The following ANO4 variants were observed in gnomAD, a reference collection of about 807,000 sequenced individuals.
ANO4 encodes anoctamin-4.
In ANO4, 69 loss-of-function variants were observed where a neutral mutation model predicts 141.9. That is an observed-to-expected ratio of 0.49 (90% CI 0.40 to 0.59). ANO4 has a LOEUF of 0.59. Among genes scored for constraint, ANO4 ranks in the 20% least tolerant of loss-of-function variants. The pLI is 0.00. For missense variants in ANO4, 894 were observed against 1,162.2 expected (o/e 0.77, Z 3.36); for synonymous variants, 350 against 394.3 (o/e 0.89, Z 1.33).
chr12:100,885,509 T>G (rs1434910528), intron 1 of ANO4: 2 of 152,276 alleles, frequency 1.3e-5, no homozygotes, highest in Non-Finnish European at 2.9e-5. Flanking sequence ...CTGTCTGGGT[T>G]CAAAGCTAGG....
At chr12:101,083,847 T>A in intron 16 of ANO4, 29 bp downstream of exon 16, 1 of 1,526,142 alleles carries the variant, frequency 6.6e-7, no homozygotes, top group Non-Finnish European at 8.8e-7. Context: ...AATATTTGTT[T>A]CATAAAATAC....
chr12:100,889,235 A>G (rs1159473092), intron 1 of ANO4, among the ~76,000 whole-genome samples: 1 of 152,086 alleles, frequency 6.6e-6, no homozygotes, highest in Non-Finnish European at 1.5e-5. Flanking sequence ...GCTGCATAGT[A>G]TTCCATGGTG....
intron 19 of ANO4, among the ~76,000 whole-genome samples, chr12:101,096,848 G>T (rs1320136808): frequency 6.6e-6 from 1 of 152,166 alleles, no homozygotes; most frequent in African/African-American, 2.4e-5. Context: ...AACTGTCTGT[G>T]CACCTTTTGT....
intron 1 of ANO4, among the ~76,000 whole-genome samples, chr12:100,829,831 G>A (rs962484794): frequency 6.6e-6 from 1 of 151,932 alleles, no homozygotes. Context: ...TGTGAAGTGG[G>A]TGCCATAGCT....
chr12:100,790,550 T>A (rs1277109224), upstream of ANO4, among the ~76,000 whole-genome samples: 1 of 152,134 alleles, frequency 6.6e-6, no homozygotes, highest in Non-Finnish European at 1.5e-5. Context: ...CTAACATTGG[T>A]GCACACACAC....
At chr12:101,085,976 C>T (rs2136898170) in intron 16 of ANO4, among the ~76,000 whole-genome samples, 1 of 152,136 alleles carries the variant, frequency 6.6e-6, no homozygotes, top group African/African-American at 2.4e-5. Context: ...ATGGCTACCA[C>T]ATGACAACAC....
rs138517493 is a variant in ANO4, at chr12:101,121,910, C to T, written c.2676+1285C>T. On this transcript the variant is annotated intron_variant, in intron 26 of 27. Coordinates refer to ENST00000392977, the MANE Select transcript of ANO4 (RefSeq NM_001286615.2). ...CTGAGTAGGTGGGATTACAGGCACC[C>T]GCTACCACACCTGGCTAATTTTTGT... 4.7e-3 allele frequency among the ~76,000 whole-genome samples: 708 copies of T among 152,034 alleles called. 5 individuals are homozygous for T. The highest frequency in any genetic ancestry group is 0.016 in the African/African-American group (653 of 41,470).
At chr12:100,930,518 T>C (rs2042048861) in intron 3 of ANO4, among the ~76,000 whole-genome samples, 1 of 152,206 alleles carries the variant, frequency 6.6e-6, no homozygotes, top group Non-Finnish European at 1.5e-5. Flanking sequence ...TTTTGGGTTC[T>C]CTGTTCTGTT....
chr12:100,747,231 T>TG (rs1423121505), intron 3 of ANO4, among the ~76,000 whole-genome samples: 4 of 152,176 alleles, frequency 2.6e-5, no homozygotes, highest in African/African-American at 9.7e-5. Flanking sequence ...TCATTGATAA[T>TG]GGGTTCATGG....
intron 14 of ANO4, among the ~76,000 whole-genome samples, chr12:101,074,134 GCCT>G (rs1457370669): frequency 6.6e-6 from 1 of 152,138 alleles, no homozygotes; most frequent in Non-Finnish European, 1.5e-5. Flanking sequence ...AAGGTAAAAT[GCCT>G]ATGTTCATTA....
chr12:100,829,532 T>G (rs922430779), intron 1 of ANO4, among the ~76,000 whole-genome samples: 1 of 152,086 alleles, frequency 6.6e-6, no homozygotes, highest in African/African-American at 2.4e-5. Flanking sequence ...CTTAACATAG[T>G]ACAATGTGTA....
chr12:101,068,774 A>G (rs1188854153), intron 14 of ANO4: 32 of 1,265,038 alleles, frequency 2.5e-5, no homozygotes, highest in Admixed American at 8.4e-5. Flanking sequence ...GCCTGCTTAC[A>G]TAGCCTGGCT....
intron 8 of ANO4, among the ~76,000 whole-genome samples, chr12:101,018,319 A>G (rs1432215417): frequency 6.6e-6 from 1 of 152,238 alleles, no homozygotes; most frequent in African/African-American, 2.4e-5. Flanking sequence ...TAAATGCTGC[A>G]GCATCCTCAT....
chr12:100,874,020 G>A (rs774029393), intron 1 of ANO4, among the ~76,000 whole-genome samples: 24 of 152,334 alleles, frequency 1.6e-4, no homozygotes, highest in African/African-American at 2.6e-4. Flanking sequence ...CCACTGCTAC[G>A]GAAGGTGCCA....
intron 22 of ANO4, among the ~76,000 whole-genome samples, chr12:101,106,127 T>C (rs2050430884): frequency 6.6e-6 from 1 of 151,384 alleles, no homozygotes; most frequent in Admixed American, 6.6e-5. Flanking sequence ...AAAAGAAAAA[T>C]GAGCAGATTG....
chr12:100,720,912 A>T (rs151217386), intron 1 of ANO4, among the ~76,000 whole-genome samples: 1 of 152,222 alleles, frequency 6.6e-6, no homozygotes, highest in Non-Finnish European at 1.5e-5. Flanking sequence ...GTTGAGGCAC[A>T]GATAGGTTAA....
intron 2 of ANO4, among the ~76,000 whole-genome samples, chr12:100,738,336 T>A (rs911646180): frequency 6.6e-6 from 1 of 152,200 alleles, no homozygotes; most frequent in African/African-American, 2.4e-5. Context: ...TGTGGCTTCA[T>A]TGTTGCTTTT....
chr12:100,848,844 C>T (rs1175759033), intron 1 of ANO4, among the ~76,000 whole-genome samples: 1 of 152,186 alleles, frequency 6.6e-6, no homozygotes, highest in African/African-American at 2.4e-5. Context: ...TAGAGCTGGG[C>T]TTGTCTGGGC....
chr12:101,089,203 G>T (rs901332058), intron 17 of ANO4, among the ~76,000 whole-genome samples: 5 of 152,022 alleles, frequency 3.3e-5, no homozygotes, highest in African/African-American at 1.2e-4. Context: ...ATTCCTAAGA[G>T]AATTCAACCT....
Sources: gnomAD v4.1 joint callset for allele counts (sites outside exome capture counted in the v4.1 genomes callset) on GRCh38, gnomAD v4.1.1 for gene constraint, MANE v1.5 for transcripts, NCBI Gene and HGNC (gene_info 2026-07-23, HGNC 2026-07-21) for gene names.